The following CLVS1 variants were observed in gnomAD, a reference collection of about 807,000 sequenced individuals.
CLVS1 encodes the protein clavesin-1.
In CLVS1, 10 loss-of-function variants were observed where a neutral mutation model predicts 33.1. The ratio of observed to expected loss-of-function variants is 0.30; its 90% CI spans 0.19 to 0.51. CLVS1 has a LOEUF of 0.51. Ranked by LOEUF, CLVS1 falls within the 20% of genes least tolerant of loss-of-function variation. The pLI is 0.97. For synonymous variants in CLVS1, 163 were observed against 166.1 expected (o/e 0.98, Z 0.14); for missense variants, 343 against 433.4 (o/e 0.79, Z 1.85).
intron 1 of CLVS1, among the ~76,000 whole-genome samples, chr8:61,070,275 C>T (rs1287101122): frequency 2.0e-5 from 3 of 152,188 alleles, no homozygotes; most frequent in African/African-American, 7.2e-5. Context: ...ATGCACTCCT[C>T]TTATTTTAGC....
chr8:61,312,373 T>C (rs1810860164), intron 2 of CLVS1, among the ~76,000 whole-genome samples: 1 of 152,242 alleles, frequency 6.6e-6, no homozygotes, highest in Non-Finnish European at 1.5e-5. Context: ...TTATTGTGAG[T>C]GTTCTATAAA....
chr8:61,202,998 A>G, intron 2 of CLVS1: 1 of 1,404,312 alleles, frequency 7.1e-7, no homozygotes, highest in Non-Finnish European at 1.0e-6. Flanking sequence ...AACCATCAAC[A>G]CCAAGATCAA....
chr8:61,115,316 TA>T (rs577848597), intron 1 of CLVS1, among the ~76,000 whole-genome samples: 1 of 151,802 alleles, frequency 6.6e-6, no homozygotes, highest in Non-Finnish European at 1.5e-5. Context: ...AGTAAGGATT[TA>T]AAAAAATGGC....
intron 2 of CLVS1, chr8:61,300,566 C>A (rs61409316): frequency 1.7e-5 from 5 of 299,696 alleles, no homozygotes. Flanking sequence ...TCTAGAAGAA[C>A]CATATATTCT....
chr8:61,156,479 A>G (rs1210599472), intron 2 of CLVS1, among the ~76,000 whole-genome samples: 1 of 152,146 alleles, frequency 6.6e-6, no homozygotes, highest in East Asian at 1.9e-4. Flanking sequence ...CTCAGACTTA[A>G]ATTTTCACAG....
chr8:61,454,211 C>A lies in CLVS1; in HGVS notation c.701C>A (p.Thr234Lys). Residue 234 changes from threonine (T) to lysine (K), a missense_variant, in exon 4 of 6, where the codon ACA (threonine) becomes AAA (lysine). Thr to Lys is a moderately conservative substitution (Grantham distance 78). Around this residue, in one of 4 missense-constraint regions of CLVS1, gnomAD observed 166 missense variants for 244.0 expected, o/e 0.68. Coordinates refer to ENST00000325897, the MANE Select transcript of CLVS1 (RefSeq NM_173519.3). ...NQPWYIHALY[T>K]LIKPFLKDKT... The stretch of plus-strand genomic sequence containing the variant: ...CCCTGGTACATTCATGCCCTCTACA[C>A]ACTCATCAAGCCATTTCTTAAAGAC... The A allele has an allele frequency of 6.2e-7, 1 of 1,614,098 alleles. No homozygotes were observed. Among genetic ancestry groups the A allele is most frequent in the Non-Finnish European group, 8.5e-7 (1 of 1,179,948 alleles).
chr8:61,197,368 T>G (rs1807638440), intron 2 of CLVS1, among the ~76,000 whole-genome samples: 1 of 152,190 alleles, frequency 6.6e-6, no homozygotes, highest in Non-Finnish European at 1.5e-5. Context: ...TCTCTTGGGT[T>G]TGTTTCTGGG....
chr8:61,493,171 T>C (rs1315005861), intron 5 of CLVS1, among the ~76,000 whole-genome samples: 1 of 152,224 alleles, frequency 6.6e-6, no homozygotes, highest in East Asian at 1.9e-4. Flanking sequence ...ATTATTTTGA[T>C]TTTTTAAAAT....
chr8:60,987,184 G>A, the CLVS1 span, among the ~76,000 whole-genome samples: 2 of 152,306 alleles, frequency 1.3e-5, no homozygotes, highest in South Asian at 4.1e-4. Flanking sequence ...TGGAGGAGCC[G>A]GGAGGGGAGC....
At chr8:60,976,434 T>A in the CLVS1 span, among the ~76,000 whole-genome samples, 2 of 152,134 alleles carry the variant, frequency 1.3e-5, no homozygotes, top group Non-Finnish European at 2.9e-5. Context: ...CATGGCTCAC[T>A]GCAGCCTCCA....
chr8:61,206,168 G>A (rs911370944), intron 2 of CLVS1, among the ~76,000 whole-genome samples: 1 of 152,132 alleles, frequency 6.6e-6, no homozygotes, highest in African/African-American at 2.4e-5. Context: ...ACAGTATCCT[G>A]AGAATACTGT....
At chr8:61,008,739 C>T in the CLVS1 span, among the ~76,000 whole-genome samples, 1 of 152,098 alleles carries the variant, frequency 6.6e-6, no homozygotes, top group African/African-American at 2.4e-5. Context: ...TGCTGAGTTA[C>T]CCTGCAAAAA....
chr8:61,331,984 T>G (rs975707942), intron 2 of CLVS1, among the ~76,000 whole-genome samples: 1 of 152,182 alleles, frequency 6.6e-6, no homozygotes, highest in Non-Finnish European at 1.5e-5. Context: ...GGAAGTTCTG[T>G]CCGCATGTGA....
intron 2 of CLVS1, among the ~76,000 whole-genome samples, chr8:61,340,456 T>C (rs565508646): frequency 5.3e-5 from 8 of 152,368 alleles, no homozygotes; most frequent in African/African-American, 1.9e-4. Context: ...TTTCTGTGTC[T>C]GCTTATTTCA....
intron 2 of CLVS1, among the ~76,000 whole-genome samples, chr8:61,356,327 T>A (rs1050185346): frequency 6.6e-6 from 1 of 152,212 alleles, no homozygotes; most frequent in Non-Finnish European, 1.5e-5. Flanking sequence ...CTTTGTCAGA[T>A]GAGTAGGTTG....
chr8:61,474,802 T>A (rs955041729), intron 5 of CLVS1, among the ~76,000 whole-genome samples: 2 of 151,950 alleles, frequency 1.3e-5, no homozygotes, highest in Non-Finnish European at 2.9e-5. Context: ...AAGTCTTTTT[T>A]TTTATATATA....
the CLVS1 span, among the ~76,000 whole-genome samples, chr8:61,026,673 T>C: frequency 2.0e-5 from 3 of 152,352 alleles, no homozygotes; most frequent in Admixed American, 1.3e-4. Flanking sequence ...GTGTAAACCA[T>C]GGCTAATCAT....
intron 3 of CLVS1, among the ~76,000 whole-genome samples, chr8:61,418,183 A>G (rs1291594942): frequency 2.6e-5 from 4 of 152,168 alleles, no homozygotes; most frequent in South Asian, 2.1e-4. Flanking sequence ...TCTCAACCTC[A>G]TAGGATTATT....
chr8:61,201,840 G>T (rs1807739328), intron 2 of CLVS1, among the ~76,000 whole-genome samples: 1 of 152,130 alleles, frequency 6.6e-6, no homozygotes, highest in South Asian at 2.1e-4. Context: ...TACTCAGCAA[G>T]GCCATTTTTA....
Sources: gnomAD v4.1 joint callset for allele counts (sites outside exome capture counted in the v4.1 genomes callset) on GRCh38, gnomAD v4.1.1 for gene constraint, gnomAD v4.1.1 regional missense constraint, MANE v1.5 for transcripts, NCBI Gene and HGNC (gene_info 2026-07-23, HGNC 2026-07-21) for gene names.